Variants in IVD observed in about 807,000 individuals in gnomAD.
IVD encodes isovaleryl-CoA dehydrogenase, also known as isovaleryl-CoA dehydrogenase, mitochondrial.
Under a neutral mutation model 51.3 loss-of-function variants are expected in IVD, and 31 were observed. The ratio of observed to expected loss-of-function variants is 0.60; its 90% confidence interval spans 0.45 to 0.81. The LOEUF (loss-of-function observed/expected upper bound fraction) is 0.81. Ranked by LOEUF, IVD falls within the 40% of genes least tolerant of loss-of-function variation. The pLI is 0.00. For synonymous variants in IVD, 205 were observed against 219.4 expected, an observed-to-expected ratio of 0.93 and a Z score of 0.58; for missense variants, 475 against 552.0, an observed-to-expected ratio of 0.86 and a Z score of 1.40.
rs569537063 is a variant in IVD, at chr15:40,410,749, G to C, written c.408G>C (p.Gln136His). 2.9e-5 allele frequency: 47 copies of C among 1,614,212 alleles called. No individual in the cohort carries two copies. In the African/African-American group the frequency reaches 5.9e-4, roughly 20 times the overall value. The change falls in exon 4 of 12, where the codon CAG becomes CAC. Residue 136 changes from glutamine to histidine, a missense_variant. Physicochemically the swap from Gln to His is conservative, Grantham distance 24. Transcript: ENST00000487418. ...CCCACTCCAACCTCTGCATCAACCA[G>C]CTTGTACGCAATGGGAATGAGGCCC... ...YGAHSNLCIN[Q>H]LVRNGNEAQK...
chr15:40,421,172 G>A lies in IVD; in HGVS notation c.*2909G>A. ...AATGTGTGGCTGGAGAGACCAGCCT[G>A]GAGACAATGTGGCAAAATGGGGCGC... On this transcript the variant is annotated 3_prime_UTR_variant, in exon 12 of 12. Transcript: ENST00000487418. The A allele has an allele frequency of 1.0e-6, 1 of 985,474 alleles. No homozygotes were observed. Among genetic ancestry groups the A allele is most frequent in the Non-Finnish European group, 1.2e-6 (1 of 829,944 alleles). 61.0% of individuals were successfully genotyped at this position (985,474 alleles called of 1,614,324 possible). A position where few individuals can be genotyped will look rare whatever the true frequency, so the allele number is the denominator to read the frequency against.
chr15:40,408,944 C>G (rs540145344), intron 3 of IVD, among the ~76,000 whole-genome samples: 2 of 151,588 alleles, frequency 1.3e-5, no homozygotes, highest in Non-Finnish European at 2.9e-5. Context: ...AGCGAAACTC[C>G]GTTTCAAAAA....
Position 40,419,241 on chromosome 15 carries a change from TG to T in IVD, c.*980del. The T allele has an allele frequency of 7.8e-7, 1 of 1,289,022 alleles. No homozygotes were observed. Among genetic ancestry groups the T allele is most frequent in the Non-Finnish European group, 1.0e-6 (1 of 988,536 alleles). 79.8% of individuals were successfully genotyped at this position (1,289,022 alleles called of 1,614,324 possible). A position where few individuals can be genotyped will look rare whatever the true frequency, so the allele number is the denominator to read the frequency against. On this transcript the variant is annotated 3_prime_UTR_variant, in exon 12 of 12. Coordinates refer to ENST00000487418, the MANE Select transcript of IVD (RefSeq NM_002225.5). ...CATATGCTTGCTTGGCCAGGCAAGG[TG>T]GTGTGTGCCTGTAATCCCAGCACTT...
At chr15:40,427,133 C>T (rs1892714936), downstream of IVD, among the ~76,000 whole-genome samples, 1 of 152,182 alleles carries the variant, frequency 6.6e-6, no homozygotes, top group East Asian at 1.9e-4. Context: ...TCAAAGGTGG[C>T]CAGTGGATCA....
intron 3 of IVD, among the ~76,000 whole-genome samples, chr15:40,408,949 C>G (rs1000283049): frequency 2.1e-5 from 3 of 143,736 alleles, no homozygotes; most frequent in Admixed American, 6.9e-5. Context: ...AACTCCGTTT[C>G]AAAAAAAAAA....
chr15:40,418,334 C>G lies in IVD; in HGVS notation c.*71C>G, dbSNP rs1595798352. 10 of 1,606,124 alleles carry G rather than the reference C, an allele frequency of 6.2e-6. No individual in the cohort carries two copies. The East Asian group carries it at 2.2e-4, about 36-fold the overall frequency. On this transcript the variant is annotated 3_prime_UTR_variant, in exon 12 of 12. Coordinates refer to ENST00000487418, the MANE Select transcript of IVD (RefSeq NM_002225.5). ...TGGGAAGTAGAGATGTGGCGGCTTT[C>G]CCACCCTGCCCACAGCAGGCCCTCC...
rs759105597 is a variant in IVD, at chr15:40,419,271, G to A, written c.*1008G>A. On this transcript the variant is annotated 3_prime_UTR_variant, in exon 12 of 12. Transcript: ENST00000487418. ...TGTGCCTGTAATCCCAGCACTTTGG[G>A]AGGCCAAGGCAGGTGGATCACTTGC... 1 of 1,275,932 alleles carries A rather than the reference G, an allele frequency of 7.8e-7. No homozygotes were observed. The highest frequency in any genetic ancestry group is 1.0e-6 in the Non-Finnish European group (1 of 976,788). The allele number at this position is 1,275,932 out of a possible 1,614,324, so 79.0% of individuals were successfully genotyped here. A position where few individuals can be genotyped will look rare whatever the true frequency, so the allele number is the denominator to read the frequency against.
In IVD at chr15:40,405,875, G is replaced by C. The variant is rs141376305; in HGVS notation, c.48G>C (p.Arg16Ser). ...RLLGWRVASWRLRPPLAGFVS... is the reference protein window; with the variant it reads ...RLLGWRVASWSLRPPLAGFVS... ...TGGGGTGGCGTGTGGCGAGCTGGAG[G>C]CTGCGGCCGCCGCTTGCCGGCTTCG... Residue 16 changes from arginine to serine, a missense_variant, in exon 1 of 12, where the codon AGG (arginine) becomes AGC (serine). By Grantham distance (110) the Arg-to-Ser change is moderately radical. Transcript: ENST00000487418. 160 of 1,612,466 alleles carry C rather than the reference G, an allele frequency of 9.9e-5. No individual in the cohort carries two copies. The highest frequency in any genetic ancestry group is 1.3e-4 in the Non-Finnish European group (155 of 1,179,680).
Position 40,420,457 on chromosome 15 carries a change from G to A in IVD, c.*2194G>A, listed in dbSNP as rs1892197152. On this transcript the variant is annotated 3_prime_UTR_variant, in exon 12 of 12. Transcript: ENST00000487418. The stretch of plus-strand genomic sequence containing the variant: ...TATATTGTGAAACAAACCTATCTGG[G>A]GAGAAGCAATCTACTTGCCGCTGCT... 17 of 987,552 alleles carry A rather than the reference G, an allele frequency of 1.7e-5. No homozygotes were observed. Among genetic ancestry groups the A allele is most frequent in the Non-Finnish European group, 1.8e-5 (15 of 830,144 alleles). The allele number at this position is 987,552 out of a possible 1,614,324, so 61.2% of individuals were successfully genotyped here.
chr15:40,425,733 G>C (rs1178253496), downstream of IVD, among the ~76,000 whole-genome samples: 1 of 151,938 alleles, frequency 6.6e-6, no homozygotes, highest in East Asian at 1.9e-4. Flanking sequence ...ATGTCGCCCA[G>C]GCTGGTCTCA....
Position 40,420,074 on chromosome 15 carries a change from G to T in IVD, c.*1811G>T. ...GCTGAGATCGCGCCATTGCACTCCA[G>T]CCTGGGCAACAGAGTGAGACTCTGT... On this transcript the variant is annotated 3_prime_UTR_variant, in exon 12 of 12. Transcript: ENST00000487418. 1 of 955,124 alleles carries T rather than the reference G, an allele frequency of 1.0e-6. No individual in the cohort carries two copies. Among genetic ancestry groups the T allele is most frequent in the Non-Finnish European group, 1.2e-6 (1 of 802,188 alleles). The allele number at this position is 955,124 out of a possible 1,614,324, so 59.2% of individuals were successfully genotyped here.
At chr15:40,426,705 C>A (rs889749347), downstream of IVD, among the ~76,000 whole-genome samples, 1 of 152,086 alleles carries the variant, frequency 6.6e-6, no homozygotes, top group African/African-American at 2.4e-5. Flanking sequence ...TAGTTGTGGG[C>A]CTATTAGAAT....
intron 11 of IVD, among the ~76,000 whole-genome samples, chr15:40,417,045 C>CA (rs1010183038): frequency 5.3e-5 from 8 of 149,588 alleles, no homozygotes; most frequent in Non-Finnish European, 1.0e-4. Flanking sequence ...ACTAAAAATA[C>CA]AAAAAAAAAT....
downstream of IVD, among the ~76,000 whole-genome samples, chr15:40,422,585 C>CTTTTTTTTTTTTTTTTTTTTTTT (rs1157351420): frequency 8.7e-5 from 6 of 69,154 alleles, 1 homozygote; most frequent in Non-Finnish European, 1.5e-4. Flanking sequence ...GCCCGGCCGA[C>CTTTTTTTTTTTTTTTTTTTTTTT]TTTTTTTTTT....
chr15:40,433,183 A>G (rs1049351168), intron 7 of IVD, among the ~76,000 whole-genome samples: 4 of 152,180 alleles, frequency 2.6e-5, no homozygotes, highest in Admixed American at 1.3e-4. Context: ...TATATGTTAA[A>G]TGCCGTATGA....
chr15:40,406,194 G>A (rs772270523), intron 1 of IVD: 91 of 1,531,072 alleles, frequency 5.9e-5, no homozygotes, highest in Admixed American at 5.7e-4. Flanking sequence ...TTGAGACCGT[G>A]GGACAGTACT....
At chr15:40,416,209 G>A (rs765029624) in intron 10 of IVD, 27 bp downstream of exon 10, 1 of 1,613,140 alleles carries the variant, frequency 6.2e-7, no homozygotes, top group Non-Finnish European at 8.5e-7. Context: ...GTCGGGGAGA[G>A]GCGGGGGCAG....
rs1188507536 is a variant in IVD, at chr15:40,418,179, T to C, written c.1188T>C (p.Asp396=). The change falls in exon 12 of 12, where the codon GAT becomes GAC. Residue 396 remains aspartate (D), a synonymous_variant. Coordinates refer to ENST00000487418, the MANE Select transcript of IVD (RefSeq NM_002225.5). ...TTCCCATGGGCCGCTTTCTTCGAGATGCCAAGCTGTATGAGATAGGGGCTG... is the reference window on the plus strand; with the variant it reads ...TTCCCATGGGCCGCTTTCTTCGAGACGCCAAGCTGTATGAGATAGGGGCTG... ...NDFPMGRFLR[D]AKLYEIGAGT... 6.2e-7 allele frequency: 1 copy of C among 1,614,136 alleles called. No homozygotes were observed. The highest frequency in any genetic ancestry group is 8.5e-7 in the Non-Finnish European group (1 of 1,180,048).
downstream of IVD, among the ~76,000 whole-genome samples, chr15:40,422,328 A>G (rs184391494): frequency 2.6e-5 from 4 of 151,692 alleles, no homozygotes; most frequent in East Asian, 2.0e-4. Flanking sequence ...CTGTCGCCCA[A>G]GCTGGAGTGC....
Sources: allele counts gnomAD v4.1 joint callset (sites outside exome capture counted in the v4.1 genomes callset), GRCh38; gene constraint gnomAD v4.1.1; transcripts MANE v1.5; gene names NCBI Gene and HGNC (gene_info 2026-07-23, HGNC 2026-07-21).